GPM6B: variants seen among roughly 807,000 people sequenced by gnomAD.
The protein encoded by GPM6B is neuronal membrane glycoprotein M6-b.
GPM6B carries 4 observed loss-of-function variants against 27.2 expected under a neutral mutation model. The ratio of observed to expected loss-of-function variants is 0.15; its 90% CI spans 0.07 to 0.34. The LOEUF is 0.34. Ranked by LOEUF, GPM6B falls within the 10% of genes least tolerant of loss-of-function variation. The pLI is 1.00. For synonymous variants in GPM6B, 124 were observed against 103.1 expected, an observed-to-expected ratio of 1.20 and a Z score of -1.23; for missense variants, 183 against 261.9, an observed-to-expected ratio of 0.70 and a Z score of 2.08.
chrX:13,913,084 A>AT lies in GPM6B; in HGVS notation c.-198+25242_-198+25243insA, dbSNP rs1267480759. On this transcript the variant is annotated intron_variant, in intron 1 of 6. Coordinates refer to the GPM6B transcript ENST00000398361. ...TATAATTAGAACATAGGAAGATATTAGATATTACCTTGAATAAACAGTTCA... is the reference window on the plus strand; with the variant it reads ...TATAATTAGAACATAGGAAGATATTATGATATTACCTTGAATAAACAGTTCA... Among the ~76,000 whole-genome samples the AT allele has an allele frequency of 1.4e-3, 155 of 112,200 alleles. 1 individual carries two copies. Among genetic ancestry groups the AT allele is most frequent in the African/African-American group, 4.6e-3 (142 of 30,945 alleles).
At chrX:13,820,951 A>T (rs750477503), upstream of GPM6B, among the ~76,000 whole-genome samples, 16 of 111,791 alleles carry the variant, frequency 1.4e-4, no homozygotes, top group East Asian at 4.5e-3. Flanking sequence ...GAAAAACTTT[A>T]AAAAGAGGGT....
chrX:13,839,223 G>A lies in GPM6B; in HGVS notation c.-197-53415C>T, dbSNP rs780656844. 6.3e-5 allele frequency among the ~76,000 whole-genome samples: 7 copies of A among 111,474 alleles called. No individual in the cohort carries two copies. The South Asian group carries it at 1.1e-3, about 18-fold the overall frequency. On this transcript the variant is annotated intron_variant, in intron 1 of 6. Transcript: ENST00000398361. ...CAACCCTTCAAGGCAGAGCTTAACCGTTTCAACCAACTGCCAATCAGGAAA... is the reference window on the plus strand; with the variant it reads ...CAACCCTTCAAGGCAGAGCTTAACCATTTCAACCAACTGCCAATCAGGAAA...
chrX:13,862,469 A>T (rs754456892), intron 1 of GPM6B, among the ~76,000 whole-genome samples: 3 of 111,591 alleles, frequency 2.7e-5, no homozygotes, highest in Non-Finnish European at 5.6e-5. Flanking sequence ...ACTTCTTAAA[A>T]ATCAACCCAT....
intron 7 of GPM6B, chrX:13,774,589 C>T (rs199562978): frequency 1.7e-4 from 203 of 1,207,798 alleles, no homozygotes; most frequent in Non-Finnish European, 2.1e-4. Flanking sequence ...ACTTCAAAAC[C>T]GCATAGTTAT....
At chrX:13,864,470 C>T (rs183203094) in intron 1 of GPM6B, among the ~76,000 whole-genome samples, 1 of 112,848 alleles carries the variant, frequency 8.9e-6, no homozygotes, top group Non-Finnish European at 1.9e-5. Context: ...AGCCGAGGGG[C>T]TGGTGCCCAG....
At chrX:13,788,332 A>G (rs2048650691) in intron 2 of GPM6B, among the ~76,000 whole-genome samples, 1 of 110,461 alleles carries the variant, frequency 9.1e-6, no homozygotes, top group East Asian at 2.8e-4. Context: ...CACAATTATT[A>G]TAGTCCAGCA....
intron 1 of GPM6B, among the ~76,000 whole-genome samples, chrX:13,825,460 C>G (rs966671508): frequency 6.2e-5 from 7 of 112,128 alleles, no homozygotes; most frequent in Admixed American, 5.6e-4. Flanking sequence ...GAACCACCCT[C>G]GAAGGACGCA....
intron 1 of GPM6B, among the ~76,000 whole-genome samples, chrX:13,894,193 C>G (rs1277617694): frequency 8.9e-6 from 1 of 112,152 alleles, no homozygotes; most frequent in Non-Finnish European, 1.9e-5. Flanking sequence ...CCCAGACACA[C>G]TGATCCCCTC....
upstream of GPM6B, among the ~76,000 whole-genome samples, chrX:13,819,543 T>C (rs2049284851): frequency 8.9e-6 from 1 of 112,300 alleles, no homozygotes; most frequent in African/African-American, 3.2e-5. Context: ...CAGATTAGAA[T>C]AAACATATGA....
chrX:13,813,587 A>G (rs1010511682), intron 1 of GPM6B, among the ~76,000 whole-genome samples: 2 of 111,948 alleles, frequency 1.8e-5, no homozygotes, highest in African/African-American at 6.5e-5. Flanking sequence ...TTCCCCCATA[A>G]TAGAGCATAC....
chrX:13,900,486 G>A (rs889467962), intron 1 of GPM6B, among the ~76,000 whole-genome samples: 2 of 110,657 alleles, frequency 1.8e-5, no homozygotes, highest in East Asian at 2.8e-4. Context: ...CTTAACACGC[G>A]GGGTAAACTG....
chrX:13,861,119 T>C (rs1184103337), intron 1 of GPM6B, among the ~76,000 whole-genome samples: 2 of 101,143 alleles, frequency 2.0e-5, no homozygotes, highest in African/African-American at 7.8e-5. Flanking sequence ...CACATATATA[T>C]ACACATACAT....
intron 1 of GPM6B, among the ~76,000 whole-genome samples, chrX:13,928,042 T>C (rs945590865): frequency 6.2e-5 from 7 of 112,181 alleles, no homozygotes; most frequent in Non-Finnish European, 1.3e-4. Context: ...CAGATCTCTT[T>C]TCCAGACAGA....
At chrX:13,823,397 G>A (rs1012036388) in intron 1 of GPM6B, among the ~76,000 whole-genome samples, 5 of 112,099 alleles carry the variant, frequency 4.5e-5, no homozygotes, top group African/African-American at 6.5e-5. Flanking sequence ...TTTATTTAAC[G>A]ACTGTCAGTG....
chrX:13,809,082 C>T (rs1282363754), intron 1 of GPM6B, among the ~76,000 whole-genome samples: 1 of 111,810 alleles, frequency 8.9e-6, no homozygotes, highest in East Asian at 2.8e-4. Context: ...GCACTGCACT[C>T]AGCATGTGGT....
chrX:13,846,162 T>G (rs768991576), intron 1 of GPM6B, among the ~76,000 whole-genome samples: 26 of 111,006 alleles, frequency 2.3e-4, no homozygotes, highest in Admixed American at 1.6e-3. Context: ...TGCTGTCCCT[T>G]TTCCCTACTT....
At chrX:13,841,935 A>AATTCT (rs1417882292) in intron 1 of GPM6B, among the ~76,000 whole-genome samples, 2 of 111,531 alleles carry the variant, frequency 1.8e-5, no homozygotes, top group African/African-American at 3.3e-5. Flanking sequence ...GATTTGTTCT[A>AATTCT]ATTCTATTCT....
chrX:13,857,010 T>C (rs2049789034), intron 1 of GPM6B, among the ~76,000 whole-genome samples: 1 of 111,602 alleles, frequency 9.0e-6, no homozygotes, highest in Non-Finnish European at 1.9e-5. Context: ...TTGTGGCCCC[T>C]TTCTCCATCT....
chrX:13,919,851 A>T (rs1247916793), intron 1 of GPM6B, among the ~76,000 whole-genome samples: 1 of 111,848 alleles, frequency 8.9e-6, no homozygotes, highest in South Asian at 3.7e-4. Flanking sequence ...TCTCCAAAGG[A>T]GCTGTTGAAG....
Sources: gnomAD v4.1 joint callset for allele counts (sites outside exome capture counted in the v4.1 genomes callset) on GRCh38, gnomAD v4.1.1 for gene constraint, MANE v1.5 for transcripts, NCBI Gene and HGNC (gene_info 2026-07-23, HGNC 2026-07-21) for gene names.